Variants in ABCA8 observed in about 807,000 individuals in gnomAD.
The protein encoded by ABCA8 is ATP binding cassette subfamily A member 8.
ABCA8 carries 177 observed loss-of-function variants against 192.3 expected under a neutral mutation model. The ratio of observed to expected loss-of-function variants is 0.92; its 90% CI spans 0.81 to 1.04. The LOEUF (loss-of-function observed/expected upper bound fraction) is 1.04, where lower values mean the gene tolerates loss of function less well. ABCA8 is among the 50% of genes least tolerant of loss of function. ABCA8 has a pLI of 0.00. For missense variants in ABCA8, 1,915 were observed against 1,904.8 expected (o/e 1.01, Z -0.10); for synonymous variants, 642 against 690.2 (o/e 0.93, Z 1.09).
chr17:68,930,924 C>G (rs974954193), intron 7 of ABCA8, among the ~76,000 whole-genome samples: 1 of 152,178 alleles, frequency 6.6e-6, no homozygotes, highest in Non-Finnish European at 1.5e-5. Flanking sequence ...CCTCCATGCT[C>G]TTTCAGTCAA....
chr17:68,937,082 C>A lies in ABCA8; in HGVS notation c.335G>T (p.Ser112Ile). The A allele has an allele frequency of 6.2e-7, 1 of 1,608,896 alleles. No homozygotes were observed. The highest frequency in any genetic ancestry group is 8.5e-7 in the Non-Finnish European group (1 of 1,178,028). ...ATAATTTGCTGTGAATTCTTTAATA[C>A]TTTCCTCATCTGGCAGTCCCAAGAC... Reference protein sequence around the residue: ...KEVLGLPDEESIKEFTANYPE... With the variant: ...KEVLGLPDEEIIKEFTANYPE... Residue 112 changes from serine (S) to isoleucine (I), a missense_variant, in exon 5 of 40, where the codon AGT (serine) becomes ATT (isoleucine). Physicochemically the swap from Ser to Ile is moderately radical, Grantham distance 142 (BLOSUM62 -2). Coordinates refer to ENST00000586539, the MANE Select transcript of ABCA8 (RefSeq NM_001288985.2).
chr17:68,904,642 T>C (rs1481163629), intron 19 of ABCA8, among the ~76,000 whole-genome samples: 7 of 152,140 alleles, frequency 4.6e-5, no homozygotes, highest in African/African-American at 7.2e-5. Flanking sequence ...ACTAGAATCA[T>C]GGGGTACCTA....
At chr17:68,879,062 T>A (rs2066273579) in intron 32 of ABCA8, 1 of 152,228 alleles carries the variant, frequency 6.6e-6, no homozygotes, top group African/African-American at 2.4e-5. Flanking sequence ...CTCTACCCCA[T>A]GATGTCTCTC....
At chr17:68,932,143 G>C (rs1435671079) in intron 7 of ABCA8, 145 bp downstream of exon 7, 3 of 584,584 alleles carry the variant, frequency 5.1e-6, no homozygotes, top group Admixed American at 3.1e-5. Context: ...CTGTGAGGCG[G>C]AGCTTGCAGT....
At chr17:68,944,384 A>C (rs1024168750) in intron 2 of ABCA8, 1 of 141,726 alleles carries the variant, frequency 7.1e-6, no homozygotes. Flanking sequence ...ATATGCAAAC[A>C]AGAGACCTGA....
chr17:68,952,051 G>C (rs141984112), intron 1 of ABCA8, among the ~76,000 whole-genome samples: 2 of 152,070 alleles, frequency 1.3e-5, no homozygotes, highest in Non-Finnish European at 2.9e-5. Flanking sequence ...AGATGTAAAA[G>C]GTGGTTATAT....
Position 68,887,098 on chromosome 17 carries a change from G to A in ABCA8, c.3348C>T (p.Leu1116=). The A allele has an allele frequency of 6.2e-7, 1 of 1,611,712 alleles. No homozygotes were observed. Among genetic ancestry groups the A allele is most frequent in the Non-Finnish European group, 8.5e-7 (1 of 1,178,934 alleles). The change falls in exon 26 of 40, where the codon CTC becomes CTT. Residue 1116 remains leucine, a synonymous_variant. Transcript: ENST00000586539. The part of the protein sequence containing the change: ...IPCAVGYSFS[L]IFMTYVISFI... ...AGGAAATCACGTATGTCATGAAGAT[G>A]AGGGAAAAGGAATAACCAACAGCAC...
At chr17:68,880,805 G>A (rs755224714) in intron 32 of ABCA8, 13 of 361,342 alleles carry the variant, frequency 3.6e-5, no homozygotes, top group Middle Eastern at 8.8e-4. Flanking sequence ...CCAGGCTGGT[G>A]GCATGAACAG....
chr17:68,887,138 C>A lies in ABCA8; in HGVS notation c.3316-8G>T, dbSNP rs1157651192. 1.9e-6 allele frequency: 3 copies of A among 1,566,938 alleles called. No individual in the cohort carries two copies. The highest frequency in any genetic ancestry group is 2.3e-5 in the East Asian group (1 of 44,292). On this transcript the variant is annotated splice_polypyrimidine_tract_variant and splice_region_variant and intron_variant, in intron 25 of 39. Transcript: ENST00000586539. Reference sequence around the variant, plus strand: ...ACCAACAGCACATGGGATCTAAAATCAACAGGAATGTGAAGCTTAGTTAAA... The same window carrying A: ...ACCAACAGCACATGGGATCTAAAATAAACAGGAATGTGAAGCTTAGTTAAA...
chr17:68,906,169 G>C lies in ABCA8; in HGVS notation c.2279-6C>G, dbSNP rs1409750620. On this transcript the variant is annotated splice_polypyrimidine_tract_variant and splice_region_variant and intron_variant, in intron 18 of 39. Transcript: ENST00000586539. ...ATCAAGATCCTTGTAAAGTTCTAAA[G>C]AATACATATACAGCAGTGAATTAAA... The C allele has an allele frequency of 6.4e-7, 1 of 1,559,826 alleles. No individual in the cohort carries two copies. The highest frequency in any genetic ancestry group is 8.6e-7 in the Non-Finnish European group (1 of 1,157,872).
At chr17:68,953,599 AG>A (rs2068630617) in intron 1 of ABCA8, among the ~76,000 whole-genome samples, 1 of 152,148 alleles carries the variant, frequency 6.6e-6, no homozygotes, top group South Asian at 2.1e-4. Context: ...CCAAGTAAAG[AG>A]GTCAGAGAGC....
At chr17:68,884,460 A>T in intron 27 of ABCA8, 64 bp from the exon 28 acceptor site, 1 of 1,510,140 alleles carries the variant, frequency 6.6e-7, no homozygotes, top group Non-Finnish European at 8.8e-7. Flanking sequence ...GTCCACATAT[A>T]CGTGAATTGG....
intron 38 of ABCA8, 52 bp from the exon 39 acceptor site, chr17:68,868,408 C>T (rs1354057046): frequency 4.2e-6 from 6 of 1,413,966 alleles, no homozygotes; most frequent in Non-Finnish European, 6.0e-6. Context: ...CTAGAGGTCT[C>T]ATAAATCAGC....
rs538008997 is a variant in ABCA8 at position 68,911,223 on chromosome 17, C to T, written c.2139-3344G>A. The stretch of plus-strand genomic sequence containing the variant: ...GAGCCCATTGCCCTGAAGGGAGCTG[C>T]TACCCAGGCCTGGCAGCATGTACTA... On this transcript the variant is annotated intron_variant, in intron 17 of 39. Coordinates refer to ENST00000586539, the MANE Select transcript of ABCA8 (RefSeq NM_001288985.2). This position sits in a 1 kb window ranked among gnomAD's most constrained non-coding sequence, Gnocchi z 5.7. Among the ~76,000 whole-genome samples, 1 of 152,230 alleles carries T rather than the reference C, an allele frequency of 6.6e-6. No individual in the cohort carries two copies.
At chr17:68,954,568 C>T (rs2068662053) in intron 1 of ABCA8, among the ~76,000 whole-genome samples, 1 of 152,102 alleles carries the variant, frequency 6.6e-6, no homozygotes, top group African/African-American at 2.4e-5. Flanking sequence ...TTCAGAACAA[C>T]ATGTATTCAC....
intron 4 of ABCA8, among the ~76,000 whole-genome samples, chr17:68,938,922 T>C (rs1598287814): frequency 6.6e-6 from 1 of 152,322 alleles, no homozygotes; most frequent in South Asian, 2.1e-4. Context: ...ATTAACTTTA[T>C]TGACAAATAC....
intron 21 of ABCA8, among the ~76,000 whole-genome samples, chr17:68,898,842 A>G (rs1367732906): frequency 6.6e-6 from 1 of 151,904 alleles, no homozygotes; most frequent in Non-Finnish European, 1.5e-5. Context: ...AGCTGTATTC[A>G]CTCTTCCCCA....
chr17:68,868,876 G>A (rs576723745), intron 38 of ABCA8, among the ~76,000 whole-genome samples: 134 of 152,218 alleles, frequency 8.8e-4, no homozygotes, highest in African/African-American at 3.1e-3. Context: ...TTGGAAATAT[G>A]CCACCAAAAG....
At chr17:68,891,958 A>G (rs991209) in intron 23 of ABCA8, among the ~76,000 whole-genome samples, 64,513 of 152,034 alleles carry the variant, frequency 0.42, 14,265 homozygotes, top group East Asian at 0.58. Flanking sequence ...GTGACAGCTT[A>G]ACTCAAAAAA....
Sources: gnomAD v4.1 joint callset for allele counts (sites outside exome capture counted in the v4.1 genomes callset) on GRCh38, gnomAD v4.1.1 for gene constraint, Gnocchi (gnomAD v3.1) non-coding constraint, MANE v1.5 for transcripts, NCBI Gene and HGNC (gene_info 2026-07-23, HGNC 2026-07-21) for gene names.